The following STXBP5L variants were observed in gnomAD, a reference collection of about 807,000 sequenced individuals.
STXBP5L encodes the protein syntaxin binding protein 5L.
In STXBP5L, 65 loss-of-function variants were observed where a neutral mutation model predicts 144.5. The observed-to-expected ratio is 0.45, with a 90% CI of 0.37 to 0.55. STXBP5L has a LOEUF of 0.55. Among genes scored for constraint, STXBP5L ranks in the 20% least tolerant of loss-of-function variants. STXBP5L has a pLI of 0.00. For missense variants in STXBP5L, 1,298 were observed against 1,405.5 expected (o/e 0.92, Z 1.22); for synonymous variants, 505 against 469.6 (o/e 1.08, Z -0.97).
At chr3:120,963,096 G>T (rs1418446445) in intron 3 of STXBP5L, among the ~76,000 whole-genome samples, 1 of 152,170 alleles carries the variant, frequency 6.6e-6, no homozygotes, top group South Asian at 2.1e-4. Context: ...TGGTGTATAA[G>T]AATGCTTTTG....
chr3:121,374,388 G>A (rs2046121802), intron 20 of STXBP5L, among the ~76,000 whole-genome samples: 1 of 152,024 alleles, frequency 6.6e-6, no homozygotes, highest in South Asian at 2.1e-4. Context: ...GTAAGGACAT[G>A]TGAACACAAA....
At chr3:121,060,360 T>C (rs1049800623) in intron 5 of STXBP5L, among the ~76,000 whole-genome samples, 11 of 152,204 alleles carry the variant, frequency 7.2e-5, no homozygotes, top group Non-Finnish European at 7.3e-5. Flanking sequence ...GATGTGCTGC[T>C]GGACTTGGTT....
intron 6 of STXBP5L, 59 bp downstream of exon 6, chr3:121,115,118 A>T (rs1415973330): frequency 3.4e-6 from 5 of 1,490,672 alleles, no homozygotes; most frequent in Non-Finnish European, 4.5e-6. Context: ...GTTATGTAAC[A>T]TGTAGGTCAA....
chr3:121,000,342 T>A (rs77686995), intron 3 of STXBP5L, among the ~76,000 whole-genome samples: 15,110 of 152,188 alleles, frequency 0.099, 1,182 homozygotes, highest in Admixed American at 0.2. Context: ...CTTGACTGAA[T>A]AGATTTGAAG....
In STXBP5L at chr3:121,313,943, C is replaced by T. The variant is rs566261292; in HGVS notation, c.2111-4532C>T. 2.0e-5 allele frequency among the ~76,000 whole-genome samples: 3 copies of T among 150,046 alleles called. No individual in the cohort carries two copies. The East Asian group carries it at 6.2e-4, about 31-fold the overall frequency. ...AGGGTTGCGGCCCAGCAGAAGCGCT[C>T]CTCACATCCCAGACAGGGCGGTGGG... On this transcript the variant is annotated intron_variant, in intron 19 of 26. Transcript: ENST00000471454.
chr3:121,006,757 ATC>A (rs1944346810), intron 3 of STXBP5L, among the ~76,000 whole-genome samples: 1 of 152,010 alleles, frequency 6.6e-6, no homozygotes, highest in Admixed American at 6.6e-5. Context: ...TGGTGACAAA[ATC>A]TCTCAGCATT....
chr3:120,951,361 C>T (rs545643191), intron 2 of STXBP5L, among the ~76,000 whole-genome samples: 81 of 152,240 alleles, frequency 5.3e-4, no homozygotes, highest in African/African-American at 1.8e-3. Context: ...TCAGAGTGAA[C>T]AGGCAACCCA....
intron 5 of STXBP5L, among the ~76,000 whole-genome samples, chr3:121,091,810 T>C (rs546379617): frequency 1.3e-3 from 199 of 152,316 alleles, no homozygotes; most frequent in African/African-American, 4.5e-3. Flanking sequence ...TTGTCTTTTA[T>C]TGCCATTGCT....
chr3:121,011,096 A>G (rs1390469894), intron 3 of STXBP5L, among the ~76,000 whole-genome samples: 1 of 149,108 alleles, frequency 6.7e-6, no homozygotes, highest in Non-Finnish European at 1.5e-5. Flanking sequence ...GAGTTTCAGG[A>G]CTGCTTTCTT....
rs971774706 is a variant in STXBP5L at position 121,381,525 on chromosome 3, G to T, written c.2580G>T (p.Leu860Phe). 3 of 1,590,606 alleles carry T rather than the reference G, an allele frequency of 1.9e-6. No homozygotes were observed. The highest frequency in any genetic ancestry group is 2.7e-5 in the African/African-American group (2 of 73,314). ...GGTTTACAGAGCCAGTCATGGTATT[G>T]CCAAGTGGTAAGAGTTTGTATTCAT... ...EQRFTEPVMV[L>F]PSGTFLSLKG... The change falls in exon 22 of 27, where the codon TTG becomes TTT. Residue 860 changes from leucine (L) to phenylalanine (F), a missense_variant. Physicochemically the swap from Leu to Phe is conservative, Grantham distance 22 (BLOSUM62 0). Coordinates refer to ENST00000471454, the MANE Select transcript of STXBP5L (RefSeq NM_001308330.2).
intron 9 of STXBP5L, among the ~76,000 whole-genome samples, chr3:121,159,614 G>A (rs1202734385): frequency 6.7e-6 from 1 of 149,010 alleles, no homozygotes; most frequent in African/African-American, 2.5e-5. Context: ...TGCTTGGGAA[G>A]AATGTACATT....
intron 3 of STXBP5L, among the ~76,000 whole-genome samples, chr3:120,973,746 A>G (rs1313955825): frequency 7.8e-6 from 1 of 128,218 alleles, no homozygotes; most frequent in South Asian, 2.3e-4. Context: ...TCCTGTGTCC[A>G]TGTGTTCTCA....
chr3:121,013,517 C>T (rs1576661913), intron 3 of STXBP5L, among the ~76,000 whole-genome samples: 1 of 151,882 alleles, frequency 6.6e-6, no homozygotes, highest in Non-Finnish European at 1.5e-5. Flanking sequence ...TGTTCATGAT[C>T]TTTGCCCACT....
chr3:121,211,460 C>T (rs368808793), intron 10 of STXBP5L, among the ~76,000 whole-genome samples: 1 of 152,048 alleles, frequency 6.6e-6, no homozygotes, highest in Non-Finnish European at 1.5e-5. Context: ...ACCTCCAACA[C>T]TATGTTGAAT....
intron 9 of STXBP5L, among the ~76,000 whole-genome samples, chr3:121,162,698 T>C (rs1032712257): frequency 2.0e-5 from 3 of 152,042 alleles, no homozygotes; most frequent in East Asian, 3.8e-4. Context: ...ATCTAGAATC[T>C]ACAAGGAATT....
chr3:121,068,348 A>T (rs1229029344), intron 5 of STXBP5L, among the ~76,000 whole-genome samples: 1 of 152,122 alleles, frequency 6.6e-6, no homozygotes, highest in Admixed American at 6.6e-5. Flanking sequence ...ATTTAATATA[A>T]TTTATTGATA....
At chr3:121,096,331 A>T (rs1487724820) in intron 5 of STXBP5L, among the ~76,000 whole-genome samples, 3 of 152,116 alleles carry the variant, frequency 2.0e-5, no homozygotes, top group African/African-American at 7.2e-5. Context: ...GTTTGTTGTT[A>T]CCCACTTTCT....
chr3:120,911,555 A>G lies in STXBP5L; in HGVS notation c.189+1788A>G, dbSNP rs146250307. 9.7e-3 allele frequency among the ~76,000 whole-genome samples: 1,484 copies of G among 152,214 alleles called. 23 individuals are homozygous for G. Among genetic ancestry groups the G allele is most frequent in the African/African-American group, 0.034 (1,400 of 41,572 alleles). On this transcript the variant is annotated intron_variant, in intron 2 of 26. Coordinates refer to ENST00000471454, the MANE Select transcript of STXBP5L (RefSeq NM_001308330.2). ...ACGGTTATTGGGAGGATCAGACAGA[A>G]TAAGGTGAAGGTAATGCATAAATGG...
chr3:121,056,269 C>G (rs535501466), intron 5 of STXBP5L, among the ~76,000 whole-genome samples: 2 of 152,200 alleles, frequency 1.3e-5, no homozygotes, highest in South Asian at 4.1e-4. Flanking sequence ...TCCTTGCTAT[C>G]ACAATCATAA....
Sources: gnomAD v4.1 joint callset for allele counts (sites outside exome capture counted in the v4.1 genomes callset) on GRCh38, gnomAD v4.1.1 for gene constraint, MANE v1.5 for transcripts, NCBI Gene and HGNC (gene_info 2026-07-23, HGNC 2026-07-21) for gene names.